DEPDC5: variants seen among roughly 807,000 people sequenced by gnomAD.
DEPDC5 encodes the protein GATOR1 complex protein DEPDC5.
DEPDC5 carries 73 observed loss-of-function variants against 217.3 expected under a neutral mutation model. The observed-to-expected ratio is 0.34, with a 90% CI of 0.28 to 0.41. DEPDC5 has a LOEUF of 0.41. Ranked by LOEUF, DEPDC5 falls within the 10% of genes least tolerant of loss-of-function variation. The probability of loss-of-function intolerance (pLI) is 1.00; values close to 1 mark genes in which losing one functional copy is unlikely to be tolerated. For synonymous variants in DEPDC5, 733 were observed against 756.7 expected (o/e 0.97, Z 0.51); for missense variants, 1,675 against 2,070.1 (o/e 0.81, Z 3.70).
chr22:31,856,155 G>GCGCGCGCACA lies in DEPDC5; in HGVS notation c.3156-1289_3156-1288insGCGCGCACAC, dbSNP rs1226909374. On this transcript the variant is annotated intron_variant, in intron 31 of 42. Coordinates refer to ENST00000651528, the MANE Select transcript of DEPDC5 (RefSeq NM_001242896.3). The stretch of plus-strand genomic sequence containing the variant: ...GAGATGTGCTGAGTTGGGCCAACGC[G>GCGCGCGCACA]CACACACACACACACACACACACAC... Among the ~76,000 whole-genome samples, 1,264 of 140,680 alleles carry GCGCGCGCACA rather than the reference G, an allele frequency of 9.0e-3. 11 individuals carry two copies. Among genetic ancestry groups the GCGCGCGCACA allele is most frequent in the Non-Finnish European group, 0.012 (788 of 64,584 alleles). The allele number at this position is 140,680 out of a possible 152,430, so 92.3% of individuals were successfully genotyped here.
At chr22:31,867,131 C>T (rs2092710857) in intron 33 of DEPDC5, among the ~76,000 whole-genome samples, 1 of 152,126 alleles carries the variant, frequency 6.6e-6, no homozygotes, top group Non-Finnish European at 1.5e-5. Context: ...GGCTCTTTGC[C>T]AGGAATCTAC....
Position 31,845,134 on chromosome 22 carries a change from C to T in DEPDC5, c.2918C>T (p.Pro973Leu), listed in dbSNP as rs772700897. Residue 973 changes from proline (P) to leucine (L), a missense_variant, in exon 30 of 43, where the codon CCC becomes CTC. By Grantham distance (98) the Pro-to-Leu change is moderately conservative. Transcript: ENST00000651528. ...CACTGCGACATCTATGGGGACAGGC[C>T]CCGTGCAGACGAGGACGAGTGGCAA... ...EAHCDIYGDR[P>L]RADEDEWQLL... 7 of 1,614,078 alleles carry T rather than the reference C, an allele frequency of 4.3e-6. No individual in the cohort carries two copies. The highest frequency in any genetic ancestry group is 1.7e-5 in the Admixed American group (1 of 60,008).
Position 31,906,229 on chromosome 22 carries a change from A to G in DEPDC5, c.4544A>G (p.Tyr1515Cys), listed in dbSNP as rs1439564237. ...GGAACAGTGTTTCTGCAGCTGCCCT[A>G]CTCCAAGCGCAAGTTCTCAGGGCAG... Reference protein sequence around the residue: ...VTGTVFLQLPYSKRKFSGQQR... With the variant: ...VTGTVFLQLPCSKRKFSGQQR... Residue 1515 changes from tyrosine to cysteine, a missense_variant, in exon 43 of 43, where the codon TAC (tyrosine) becomes TGC (cysteine). Physicochemically the swap from Tyr to Cys is radical, Grantham distance 194. Transcript: ENST00000651528. The surrounding 1 kb of genome is among the most constrained non-coding windows in gnomAD (Gnocchi z 5.1). The G allele has an allele frequency of 6.2e-7, 1 of 1,613,676 alleles. No homozygotes were observed. Among genetic ancestry groups the G allele is most frequent in the South Asian group, 1.1e-5 (1 of 91,058 alleles).
chr22:31,828,093 T>A (rs1448241011), intron 24 of DEPDC5, among the ~76,000 whole-genome samples: 1 of 152,212 alleles, frequency 6.6e-6, no homozygotes, highest in Non-Finnish European at 1.5e-5. Flanking sequence ...GTACTTTTTT[T>A]ATTGTAAGTT....
chr22:31,799,176 T>C (rs575830012), intron 14 of DEPDC5, among the ~76,000 whole-genome samples: 95 of 151,014 alleles, frequency 6.3e-4, no homozygotes, highest in Non-Finnish European at 1.0e-3. Context: ...CCTGAGTATC[T>C]GGGATTACAG....
At chr22:31,817,696 A>G (rs1428068683) in intron 21 of DEPDC5, among the ~76,000 whole-genome samples, 2 of 152,060 alleles carry the variant, frequency 1.3e-5, no homozygotes, top group Non-Finnish European at 2.9e-5. Context: ...TCTGTTGCCC[A>G]GGCTGGTCTC....
Position 31,888,981 on chromosome 22 carries a change from C to T in DEPDC5, c.4034-4601C>T, listed in dbSNP as rs895801328. 1.1e-3 allele frequency among the ~76,000 whole-genome samples: 165 copies of T among 152,292 alleles called. 1 individual carries two copies. Among genetic ancestry groups the T allele is most frequent in the African/African-American group, 3.8e-3 (160 of 41,564 alleles). On this transcript the variant is annotated intron_variant, in intron 38 of 42. Transcript: ENST00000651528. ...GAGCAAGCTTCTCTTTGAAAAACCC[C>T]CTCAACATGGCACTCACTCCCAAGA...
At chr22:31,790,625 A>G (rs748740424) in intron 10 of DEPDC5, among the ~76,000 whole-genome samples, 10 of 152,312 alleles carry the variant, frequency 6.6e-5, no homozygotes, top group Non-Finnish European at 8.8e-5. Flanking sequence ...GCAGAAATTA[A>G]AAAACACTGT....
intron 34 of DEPDC5, among the ~76,000 whole-genome samples, chr22:31,871,561 G>A (rs2092842908): frequency 6.6e-6 from 1 of 152,196 alleles, no homozygotes; most frequent in African/African-American, 2.4e-5. Context: ...TCTGCTCCCT[G>A]CCTTCGCTCA....
chr22:31,876,355 A>T (rs1001590766), intron 37 of DEPDC5, 90 bp downstream of exon 37: 11 of 949,260 alleles, frequency 1.2e-5, no homozygotes, highest in Non-Finnish European at 1.8e-5. Flanking sequence ...CCTGAGCTGC[A>T]TGTGTGACTT....
chr22:31,781,086 C>T (rs182580007), intron 8 of DEPDC5, among the ~76,000 whole-genome samples: 43 of 152,106 alleles, frequency 2.8e-4, no homozygotes, highest in Middle Eastern at 3.4e-3. Flanking sequence ...CTTGGTGGTG[C>T]ATGCCTGTAA....
At position 31,788,587 on chromosome 22, in the gene DEPDC5, T is replaced by C. The variant is rs138362845; in HGVS notation, c.625-3446T>C. ...GCTACAGTGCCTAGCCCATATTTTT[T>C]TTTGAGACAGAGTTTTGCTCTTGTT... On this transcript the variant is annotated intron_variant, in intron 10 of 42. Transcript: ENST00000651528. Among the ~76,000 whole-genome samples the C allele has an allele frequency of 5.3e-5, 8 of 151,744 alleles. No individual in the cohort carries two copies. In the East Asian group the frequency reaches 1.6e-3, roughly 29 times the overall value.
Position 31,879,071 on chromosome 22 carries a change from C to T in DEPDC5, c.3806-454C>T, listed in dbSNP as rs552001967. Among the ~76,000 whole-genome samples the T allele has an allele frequency of 3.7e-5, 5 of 136,100 alleles. No homozygotes were observed. The East Asian group carries it at 1.0e-3, about 28-fold the overall frequency. The allele number at this position is 136,100 out of a possible 152,430, so 89.3% of individuals were successfully genotyped here. A position where few individuals can be genotyped will look rare whatever the true frequency, so the allele number is the denominator to read the frequency against. Reference sequence around the variant, plus strand: ...ATATATATATATATATATATATACACACACACACACGTATATATATATACA... The same window carrying T: ...ATATATATATATATATATATATACATACACACACACGTATATATATATACA... On this transcript the variant is annotated intron_variant, in intron 37 of 42. Transcript: ENST00000651528.
chr22:31,874,862 G>A lies in DEPDC5; in HGVS notation c.3696+457G>A, dbSNP rs187590698. On this transcript the variant is annotated intron_variant, in intron 36 of 42. Coordinates refer to ENST00000651528, the MANE Select transcript of DEPDC5 (RefSeq NM_001242896.3). ...AAGATCTTTCTCTCATTTGTCTCCT[G>A]CCTCAACCAGCTCCTTGAGAGCAGG... 1.1e-4 allele frequency among the ~76,000 whole-genome samples: 16 copies of A among 152,256 alleles called. No individual in the cohort carries two copies. In the East Asian group the frequency reaches 3.1e-3, roughly 29 times the overall value.
intron 37 of DEPDC5, among the ~76,000 whole-genome samples, chr22:31,877,766 A>C (rs966550679): frequency 1.3e-4 from 20 of 149,964 alleles, no homozygotes; most frequent in African/African-American, 3.9e-4. Context: ...AAAAAAAAAA[A>C]AAAAAAAACA....
At chr22:31,758,663 G>C (rs756812375) in intron 3 of DEPDC5, 30 bp downstream of exon 3, 38 of 1,593,788 alleles carry the variant, frequency 2.4e-5, no homozygotes, top group Non-Finnish European at 3.1e-5. Flanking sequence ...CATGGAACTG[G>C]GCAATTCACT....
At chr22:31,823,009 A>G (rs2089842245) in intron 24 of DEPDC5, 1 of 497,022 alleles carries the variant, frequency 2.0e-6, no homozygotes, top group Non-Finnish European at 3.7e-6. Flanking sequence ...AGCCACATTT[A>G]TCATCATTCT....
intron 33 of DEPDC5, among the ~76,000 whole-genome samples, chr22:31,866,379 G>C (rs1451036549): frequency 6.6e-6 from 1 of 151,944 alleles, no homozygotes; most frequent in Admixed American, 6.6e-5. Context: ...TGTTTCTCAG[G>C]CTTTCCTTAC....
At chr22:31,863,002 C>G (rs561915849) in intron 33 of DEPDC5, among the ~76,000 whole-genome samples, 97 of 152,178 alleles carry the variant, frequency 6.4e-4, no homozygotes, top group Non-Finnish European at 1.2e-3. Flanking sequence ...TAGGTATGAA[C>G]CACCATACAC....
Sources: allele counts gnomAD v4.1 joint callset (sites outside exome capture counted in the v4.1 genomes callset), GRCh38; gene constraint gnomAD v4.1.1; non-coding constraint Gnocchi (gnomAD v3.1); transcripts MANE v1.5; gene names NCBI Gene and HGNC (gene_info 2026-07-23, HGNC 2026-07-21).